Variants in RBFOX3 observed in about 807,000 individuals in gnomAD.
The protein encoded by RBFOX3 is RNA binding protein fox-1 homolog 3.
RBFOX3 carries 17 observed loss-of-function variants against 48.7 expected under a neutral mutation model. The ratio of observed to expected loss-of-function variants is 0.35; its 90% CI spans 0.24 to 0.52. RBFOX3 has a LOEUF of 0.52. RBFOX3 is among the 20% of genes least tolerant of loss of function. The pLI, the probability that RBFOX3 is intolerant of heterozygous loss-of-function variation, is 0.94. For synonymous variants in RBFOX3, 212 were observed against 209.5 expected (o/e 1.01, Z -0.10); for missense variants, 382 against 497.5 (o/e 0.77, Z 2.21).
At chr17:79,501,702 C>A (rs1555777185) in intron 1 of RBFOX3, among the ~76,000 whole-genome samples, 3 of 152,338 alleles carry the variant, frequency 2.0e-5, no homozygotes, top group African/African-American at 7.2e-5. Flanking sequence ...CACACACATG[C>A]CCCGCCTGGA....
At chr17:79,461,521 T>C (rs1251901408) in intron 2 of RBFOX3, among the ~76,000 whole-genome samples, 13 of 152,226 alleles carry the variant, frequency 8.5e-5, no homozygotes, top group African/African-American at 3.1e-4. Context: ...GACTACATCT[T>C]ATCCTTTCTA....
intron 2 of RBFOX3, among the ~76,000 whole-genome samples, chr17:79,470,526 A>C (rs1401174436): frequency 2.6e-5 from 4 of 152,162 alleles, no homozygotes; most frequent in African/African-American, 9.7e-5. Flanking sequence ...ACCCCTCAGC[A>C]CACACATGCA....
intron 2 of RBFOX3, among the ~76,000 whole-genome samples, chr17:79,371,648 G>A (rs925608733): frequency 5.9e-5 from 9 of 152,298 alleles, no homozygotes; most frequent in South Asian, 2.1e-4. Context: ...AATGTGGTGG[G>A]GGGACACGTG....
intron 1 of RBFOX3, among the ~76,000 whole-genome samples, chr17:79,536,903 G>A (rs556587080): frequency 4.3e-4 from 66 of 152,216 alleles, no homozygotes; most frequent in African/African-American, 1.5e-3. Flanking sequence ...GGCCAACATG[G>A]TAAAACCCCG....
Position 79,111,255 on chromosome 17 carries a change from C to T in RBFOX3, c.222+4239G>A, listed in dbSNP as rs1172031809. ...GTGCAGAGCCCAGGTCCCCAGCAGG[C>T]AGTGAGGGAGGTGCTGGCCCCTCAG... On this transcript the variant is annotated intron_variant, in intron 5 of 14. Coordinates refer to ENST00000693108, the MANE Select transcript of RBFOX3 (RefSeq NM_001350451.2). The surrounding 1 kb of genome is among the most constrained non-coding windows in gnomAD (Gnocchi z 4.2). Among the ~76,000 whole-genome samples, 1 of 152,166 alleles carries T rather than the reference C, an allele frequency of 6.6e-6. No individual in the cohort carries two copies. Among genetic ancestry groups the T allele is most frequent in the Non-Finnish European group, 1.5e-5 (1 of 68,034 alleles).
rs2057265213 is a variant in RBFOX3 at position 79,204,598 on chromosome 17, C to T, written c.-34+31168G>A. 6.6e-6 allele frequency among the ~76,000 whole-genome samples: 1 copy of T among 152,146 alleles called. No homozygotes were observed. The highest frequency in any genetic ancestry group is 1.5e-5 in the Non-Finnish European group (1 of 68,006). ...TGTGAACAGAGAACCCACTAGATGA[C>T]TCTGTGTCCCAGAAGGGTATGGGGG... On this transcript the variant is annotated intron_variant, in intron 4 of 14. Coordinates refer to ENST00000693108, the MANE Select transcript of RBFOX3 (RefSeq NM_001350451.2). This position sits in a 1 kb window ranked among gnomAD's most constrained non-coding sequence, Gnocchi z 4.5.
At chr17:79,625,949 T>C in the RBFOX3 span, among the ~76,000 whole-genome samples, 314 of 151,670 alleles carry the variant, frequency 2.1e-3, 2 homozygotes, top group African/African-American at 7.2e-3. Flanking sequence ...AGCGAGGGGG[T>C]TTGGGGGGAC....
chr17:79,286,658 A>G (rs2071966335), intron 3 of RBFOX3, among the ~76,000 whole-genome samples: 1 of 151,758 alleles, frequency 6.6e-6, no homozygotes, highest in Non-Finnish European at 1.5e-5. Context: ...CCTTTTGTTA[A>G]CCCCCTACTG....
chr17:79,128,467 C>T (rs897366423), intron 4 of RBFOX3, among the ~76,000 whole-genome samples: 6 of 152,250 alleles, frequency 3.9e-5, no homozygotes, highest in South Asian at 2.1e-4. Context: ...CAGGAGGGCC[C>T]GTGCAGCCAC....
the RBFOX3 span, among the ~76,000 whole-genome samples, chr17:79,658,291 C>A: frequency 8.1e-5 from 12 of 148,824 alleles, no homozygotes; most frequent in East Asian, 2.4e-3. Context: ...TCCTCCTCCA[C>A]CCTTCCCTCT....
chr17:79,334,796 T>G (rs1268806256), intron 2 of RBFOX3, among the ~76,000 whole-genome samples: 3 of 152,230 alleles, frequency 2.0e-5, no homozygotes, highest in African/African-American at 7.2e-5. Context: ...AGGATGCTTG[T>G]GAGCTTGAAG....
At chr17:79,413,364 G>A (rs1220773324) in intron 2 of RBFOX3, among the ~76,000 whole-genome samples, 5 of 152,212 alleles carry the variant, frequency 3.3e-5, no homozygotes, top group Non-Finnish European at 5.9e-5. Flanking sequence ...CATTCACCTG[G>A]CTCTCCTTCC....
At chr17:79,178,780 A>T (rs1175652647) in intron 4 of RBFOX3, among the ~76,000 whole-genome samples, 1 of 152,204 alleles carries the variant, frequency 6.6e-6, no homozygotes, top group African/African-American at 2.4e-5. Context: ...ATTCCCAGGG[A>T]GTGAGGGCGC....
intron 2 of RBFOX3, among the ~76,000 whole-genome samples, chr17:79,449,959 G>A (rs148724393): frequency 3.9e-5 from 6 of 152,222 alleles, no homozygotes; most frequent in African/African-American, 1.4e-4. Flanking sequence ...CAGCTATCTC[G>A]TTTCCCACTA....
At chr17:79,457,246 T>C (rs2074660584) in intron 2 of RBFOX3, among the ~76,000 whole-genome samples, 1 of 152,162 alleles carries the variant, frequency 6.6e-6, no homozygotes, top group Non-Finnish European at 1.5e-5. Flanking sequence ...GAGGGCCTCA[T>C]GGCATGGCCT....
intron 2 of RBFOX3, among the ~76,000 whole-genome samples, chr17:79,344,535 G>GATTA (rs1385910627): frequency 8.8e-6 from 1 of 113,368 alleles, no homozygotes; most frequent in African/African-American, 3.2e-5. Context: ...TTGTCACTTT[G>GATTA]TTTGATTATT....
intron 5 of RBFOX3, among the ~76,000 whole-genome samples, chr17:79,115,161 G>C (rs2033509274): frequency 6.6e-6 from 1 of 152,238 alleles, no homozygotes; most frequent in Admixed American, 6.5e-5. Context: ...CTCCCAGCTG[G>C]GGTGAGTGTT....
intron 1 of RBFOX3, among the ~76,000 whole-genome samples, chr17:79,506,114 GA>G (rs1555778672): frequency 2.0e-5 from 3 of 152,226 alleles, no homozygotes; most frequent in Non-Finnish European, 1.5e-5. Context: ...AAGAGTAAGG[GA>G]AAGCCAGAAG....
chr17:79,591,484 C>T (rs1340360257), intron 1 of RBFOX3, among the ~76,000 whole-genome samples: 2 of 152,198 alleles, frequency 1.3e-5, no homozygotes, highest in African/African-American at 4.8e-5. Context: ...TGGGCACCTA[C>T]TGTGTTCCAG....
Sources: gnomAD v4.1 joint callset for allele counts (sites outside exome capture counted in the v4.1 genomes callset) on GRCh38, gnomAD v4.1.1 for gene constraint, Gnocchi (gnomAD v3.1) non-coding constraint, MANE v1.5 for transcripts, NCBI Gene and HGNC (gene_info 2026-07-23, HGNC 2026-07-21) for gene names.